The following GPR149 variants were observed in gnomAD, a reference collection of about 807,000 sequenced individuals.
GPR149 encodes the protein G protein-coupled receptor 149, also known as probable G protein-coupled receptor 149.
A neutral mutation model predicts 50.2 loss-of-function variants in GPR149; 50 were observed. The observed-to-expected ratio is 1.00, with a 90% CI of 0.79 to 1.26. The LOEUF (loss-of-function observed/expected upper bound fraction) is 1.26, where lower values mean the gene tolerates loss of function less well. Ranked by LOEUF, GPR149 falls within the 50% of genes most tolerant of loss-of-function variation. The pLI, the probability that GPR149 is intolerant of heterozygous loss-of-function variation, is 0.00. For missense variants in GPR149, 983 were observed against 895.4 expected, an observed-to-expected ratio of 1.10 and a Z score of -1.25; for synonymous variants, 405 against 358.2, an observed-to-expected ratio of 1.13 and a Z score of -1.48.
At chr3:154,357,268 A>G (rs1229190443) in intron 3 of GPR149, among the ~76,000 whole-genome samples, 1 of 152,146 alleles carries the variant, frequency 6.6e-6, no homozygotes, top group African/African-American at 2.4e-5. Context: ...GGACATAGGC[A>G]TGGGCAAGGA....
intron 3 of GPR149, among the ~76,000 whole-genome samples, chr3:154,343,794 T>C (rs1207153303): frequency 6.6e-6 from 1 of 152,000 alleles, no homozygotes; most frequent in Admixed American, 6.6e-5. Context: ...CTGAGCAACA[T>C]AGAGGGACCC....
chr3:154,376,543 T>A (rs1198691351), intron 3 of GPR149, among the ~76,000 whole-genome samples: 1 of 152,262 alleles, frequency 6.6e-6, no homozygotes. Flanking sequence ...ATATAGTATG[T>A]GAATTTATAA....
intron 3 of GPR149, among the ~76,000 whole-genome samples, chr3:154,341,707 T>A (rs1713802973): frequency 6.6e-6 from 1 of 152,130 alleles, no homozygotes; most frequent in South Asian, 2.1e-4. Flanking sequence ...CCACTGAAAT[T>A]TTATTTTGAA....
At chr3:154,420,151 T>A (rs1319558067) in intron 3 of GPR149, among the ~76,000 whole-genome samples, 1 of 151,986 alleles carries the variant, frequency 6.6e-6, no homozygotes, top group African/African-American at 2.4e-5. Context: ...CCTAGCAGTG[T>A]ATTTATTTCT....
intron 3 of GPR149, among the ~76,000 whole-genome samples, chr3:154,341,318 TATATATATATATATATATATATAA>T (rs1295194451): frequency 3.1e-5 from 2 of 64,076 alleles, no homozygotes; most frequent in Non-Finnish European, 7.0e-5. Flanking sequence ...TATATATATA[TATATATATATATATATATATATAA>T]AATGAGTAGG....
At chr3:154,352,812 A>C (rs553340354) in intron 3 of GPR149, 41 of 869,338 alleles carry the variant, frequency 4.7e-5, no homozygotes, top group Non-Finnish European at 7.4e-5. Context: ...ATTTAAAAGT[A>C]ATTCTTGCTT....
intron 3 of GPR149, among the ~76,000 whole-genome samples, chr3:154,384,297 T>G (rs1420725907): frequency 6.6e-6 from 1 of 152,202 alleles, no homozygotes; most frequent in Non-Finnish European, 1.5e-5. Flanking sequence ...ATATAGCAAT[T>G]AGGAACACCT....
At chr3:154,399,383 A>G (rs1715367862) in intron 3 of GPR149, among the ~76,000 whole-genome samples, 1 of 152,216 alleles carries the variant, frequency 6.6e-6, no homozygotes, top group Non-Finnish European at 1.5e-5. Flanking sequence ...AAACGAATAA[A>G]TGCTATTATA....
chr3:154,378,782 G>T (rs1450049663), intron 3 of GPR149, among the ~76,000 whole-genome samples: 6 of 152,072 alleles, frequency 3.9e-5, no homozygotes, highest in Non-Finnish European at 7.4e-5. Flanking sequence ...GTATCTCATT[G>T]TGGTTTTAAT....
In GPR149 at chr3:154,429,781, G is replaced by A. The variant is rs531400702; in HGVS notation, c.-166C>T. The A allele has an allele frequency of 1.8e-5, 9 of 510,464 alleles. No homozygotes were observed. Among genetic ancestry groups the A allele is most frequent in the Non-Finnish European group, 2.7e-5 (8 of 293,232 alleles). The allele number at this position is 510,464 out of a possible 1,614,324, so 31.6% of individuals were successfully genotyped here. ...GGTCAGCCATGTCTCCTTTAGATCT[G>A]ACTCAAGCTATATTTAAAAATTAGG... On this transcript the variant is annotated 5_prime_UTR_variant, in exon 1 of 4. It introduces an in-frame stop codon into an upstream open reading frame of the 5' UTR. Coordinates refer to ENST00000389740, the MANE Select transcript of GPR149 (RefSeq NM_001038705.3).
chr3:154,358,071 A>G (rs1205280071), intron 3 of GPR149, among the ~76,000 whole-genome samples: 1 of 149,962 alleles, frequency 6.7e-6, no homozygotes, highest in Non-Finnish European at 1.5e-5. Flanking sequence ...GTTCTCACTC[A>G]TAGGTGGGAA....
At chr3:154,408,328 G>C (rs1163753668) in intron 3 of GPR149, among the ~76,000 whole-genome samples, 1 of 152,194 alleles carries the variant, frequency 6.6e-6, no homozygotes, top group Non-Finnish European at 1.5e-5. Context: ...AGAATCCACA[G>C]ACCCACTGAA....
chr3:154,385,553 G>A (rs1301091383), intron 3 of GPR149, among the ~76,000 whole-genome samples: 1 of 152,080 alleles, frequency 6.6e-6, no homozygotes, highest in African/African-American at 2.4e-5. Context: ...CCAGCTGTGT[G>A]ATTTTAAGGA....
intron 3 of GPR149, among the ~76,000 whole-genome samples, chr3:154,370,114 G>T (rs906558297): frequency 6.6e-6 from 1 of 152,130 alleles, no homozygotes; most frequent in African/African-American, 2.4e-5. Flanking sequence ...AAACCCCTCC[G>T]CTTTTCTAGA....
At chr3:154,418,997 T>C (rs1294588566) in intron 3 of GPR149, among the ~76,000 whole-genome samples, 2 of 152,082 alleles carry the variant, frequency 1.3e-5, no homozygotes, top group Admixed American at 6.6e-5. Flanking sequence ...TGTTTTAAAA[T>C]TTATGATAGT....
rs1004601757 is a variant in GPR149 at position 154,427,560 on chromosome 3, T to C, written c.1130A>G (p.Asn377Ser). The C allele has an allele frequency of 2.5e-6, 4 of 1,613,970 alleles. No individual in the cohort carries two copies. The highest frequency in any genetic ancestry group is 1.7e-5 in the Admixed American group (1 of 60,002). The change falls in exon 2 of 4, where the codon AAC becomes AGC. Residue 377 changes from asparagine to serine, a missense_variant. Physicochemically the swap from Asn to Ser is conservative, Grantham distance 46. Transcript: ENST00000389740. ...CACTGCATATGCGTTCTGCCTGCAG[T>C]TGATGATGCAGCCACAGGGCAAGTG... ...WTHLPCGCII[N>S]CRQNAYAVAS...
At chr3:154,405,254 G>A (rs985897975) in intron 3 of GPR149, among the ~76,000 whole-genome samples, 5 of 152,068 alleles carry the variant, frequency 3.3e-5, no homozygotes, top group African/African-American at 1.2e-4. Flanking sequence ...CAGTGAGAGG[G>A]TATAATGATA....
chr3:154,400,636 A>G (rs563563125), intron 3 of GPR149, among the ~76,000 whole-genome samples: 2 of 152,322 alleles, frequency 1.3e-5, no homozygotes, highest in Non-Finnish European at 2.9e-5. Context: ...ACTATGTTCT[A>G]TTGAATTACA....
At chr3:154,338,622 A>C (rs1009922439) in intron 3 of GPR149, among the ~76,000 whole-genome samples, 2 of 152,246 alleles carry the variant, frequency 1.3e-5, no homozygotes, top group African/African-American at 4.8e-5. Flanking sequence ...AATTACTTTT[A>C]TATTTTTGTT....
Sources: gnomAD v4.1 joint callset for allele counts (sites outside exome capture counted in the v4.1 genomes callset) on GRCh38, gnomAD v4.1.1 for gene constraint, MANE v1.5 for transcripts, NCBI Gene and HGNC (gene_info 2026-07-23, HGNC 2026-07-21) for gene names.